SORCS1: variants seen among roughly 807,000 people sequenced by gnomAD.
SORCS1 encodes the protein sortilin related VPS10 domain containing receptor 1.
A neutral mutation model predicts 146.1 loss-of-function variants in SORCS1; 60 were observed. That is an observed-to-expected ratio of 0.41 (90% CI 0.33 to 0.51). The LOEUF (loss-of-function observed/expected upper bound fraction) is 0.51, where lower values mean the gene tolerates loss of function less well. Ranked by LOEUF, SORCS1 falls within the 20% of genes least tolerant of loss-of-function variation. The pLI is 0.21. For synonymous variants in SORCS1, 637 were observed against 584.0 expected (o/e 1.09, Z -1.31); for missense variants, 1,352 against 1,487.6 (o/e 0.91, Z 1.50).
chr10:107,069,014 T>A (rs1395089071), intron 1 of SORCS1, among the ~76,000 whole-genome samples: 1 of 152,214 alleles, frequency 6.6e-6, no homozygotes, highest in African/African-American at 2.4e-5. Context: ...CAATGGTGCC[T>A]AAACACATAC....
At chr10:107,125,305 G>T (rs914644952) in intron 1 of SORCS1, among the ~76,000 whole-genome samples, 1 of 152,102 alleles carries the variant, frequency 6.6e-6, no homozygotes, top group Non-Finnish European at 1.5e-5. Flanking sequence ...GAAAGGCCTA[G>T]AAGTTTCACA....
At chr10:106,985,721 G>A (rs565521159) in intron 1 of SORCS1, among the ~76,000 whole-genome samples, 11 of 152,008 alleles carry the variant, frequency 7.2e-5, no homozygotes, top group African/African-American at 2.2e-4. Flanking sequence ...ATTTTTAGTA[G>A]AGACGGGGTT....
chr10:106,744,806 A>C (rs1857602054), intron 5 of SORCS1, among the ~76,000 whole-genome samples: 1 of 152,076 alleles, frequency 6.6e-6, no homozygotes, highest in South Asian at 2.1e-4. Flanking sequence ...GAGTGTGTGC[A>C]TGTGTGTGTA....
chr10:107,059,515 T>G (rs1403089163), intron 1 of SORCS1, among the ~76,000 whole-genome samples: 1 of 152,176 alleles, frequency 6.6e-6, no homozygotes, highest in Non-Finnish European at 1.5e-5. Flanking sequence ...ACAGAAGAGA[T>G]GCACACAATC....
intron 1 of SORCS1, among the ~76,000 whole-genome samples, chr10:107,087,927 T>C (rs1225448739): frequency 2.0e-5 from 3 of 152,218 alleles, no homozygotes; most frequent in Admixed American, 2.0e-4. Context: ...TTTATTTATT[T>C]ATTTATTTTG....
At chr10:106,946,648 A>G (rs189167532) in intron 2 of SORCS1, among the ~76,000 whole-genome samples, 1 of 152,348 alleles carries the variant, frequency 6.6e-6, no homozygotes, top group East Asian at 1.9e-4. Flanking sequence ...AGTATCAGGT[A>G]TGTCTTTATT....
intron 1 of SORCS1, among the ~76,000 whole-genome samples, chr10:106,964,199 A>G (rs1955391550): frequency 6.6e-6 from 1 of 152,226 alleles, no homozygotes; most frequent in South Asian, 2.1e-4. Context: ...ATACAGAGAT[A>G]GGCTTTGGCA....
At chr10:106,803,658 T>C (rs1451858846) in intron 3 of SORCS1, among the ~76,000 whole-genome samples, 1 of 152,192 alleles carries the variant, frequency 6.6e-6, no homozygotes, top group Admixed American at 6.5e-5. Flanking sequence ...AGCTTATATA[T>C]TGTTTATTGA....
rs1008456359 is a variant in SORCS1, at chr10:106,916,987, C to T, written c.626+39526G>A. Among the ~76,000 whole-genome samples the T allele has an allele frequency of 3.3e-5, 5 of 152,214 alleles. No homozygotes were observed. The East Asian group carries it at 9.6e-4, about 29-fold the overall frequency. On this transcript the variant is annotated intron_variant, in intron 2 of 25. Transcript: ENST00000263054. Reference sequence around the variant, plus strand: ...CGAACTCCTGACCTCAGATAATCTGCCCGCCTCAGCCTCCCAAAGTGCTGG... The same window carrying T: ...CGAACTCCTGACCTCAGATAATCTGTCCGCCTCAGCCTCCCAAAGTGCTGG...
At position 107,047,507 on chromosome 10, in the gene SORCS1, G is replaced by C. The variant is rs557535015; in HGVS notation, c.559-90927C>G. Among the ~76,000 whole-genome samples, 4 of 152,182 alleles carry C rather than the reference G, an allele frequency of 2.6e-5. No homozygotes were observed. The East Asian group carries it at 7.7e-4, about 29-fold the overall frequency. On this transcript the variant is annotated intron_variant, in intron 1 of 25. Transcript: ENST00000263054. ...TTATTAGGCATGGTATCTATTTTACGTAAGGAAAATGGGTTATTCTGATTA... is the reference window on the plus strand; with the variant it reads ...TTATTAGGCATGGTATCTATTTTACCTAAGGAAAATGGGTTATTCTGATTA...
intron 1 of SORCS1, among the ~76,000 whole-genome samples, chr10:106,966,942 C>T (rs930925718): frequency 6.6e-6 from 1 of 152,008 alleles, no homozygotes; most frequent in African/African-American, 2.4e-5. Flanking sequence ...AAGGTTAAAC[C>T]AAACTATCAG....
chr10:106,742,625 C>T (rs1237573985), intron 5 of SORCS1, among the ~76,000 whole-genome samples: 1 of 152,184 alleles, frequency 6.6e-6, no homozygotes, highest in African/African-American at 2.4e-5. Flanking sequence ...AGTGATCCAC[C>T]TGCCTCGGCC....
intron 3 of SORCS1, 46 bp downstream of exon 3, chr10:106,829,528 G>C (rs771054335): frequency 8.5e-5 from 121 of 1,429,876 alleles, no homozygotes; most frequent in Non-Finnish European, 1.1e-4. Flanking sequence ...AACCAAGACA[G>C]AAGTCACATC....
intron 2 of SORCS1, among the ~76,000 whole-genome samples, chr10:106,859,656 G>A (rs1034964923): frequency 1.3e-5 from 2 of 152,200 alleles, no homozygotes; most frequent in Non-Finnish European, 2.9e-5. Context: ...GCCTCCCAAA[G>A]TGCTGGGATT....
intron 1 of SORCS1, among the ~76,000 whole-genome samples, chr10:107,078,223 T>C (rs908010622): frequency 6.6e-6 from 1 of 152,212 alleles, no homozygotes; most frequent in African/African-American, 2.4e-5. Flanking sequence ...TTAAATGTTC[T>C]AAGACCACGG....
At chr10:107,168,214 C>T (rs528799314), upstream of SORCS1, among the ~76,000 whole-genome samples, 1 of 152,250 alleles carries the variant, frequency 6.6e-6, no homozygotes, top group East Asian at 1.9e-4. Context: ...GAACGTCCAC[C>T]GTCCAACCCC....
chr10:107,114,750 G>A (rs1965911591), intron 1 of SORCS1, among the ~76,000 whole-genome samples: 1 of 151,976 alleles, frequency 6.6e-6, no homozygotes, highest in East Asian at 1.9e-4. Flanking sequence ...GGAAGTCCTA[G>A]CCAGAAACAT....
In SORCS1 at chr10:106,676,628, C is replaced by T. The variant is rs183233706; in HGVS notation, c.1832+685G>A. Among the ~76,000 whole-genome samples, 95 of 152,196 alleles carry T rather than the reference C, an allele frequency of 6.2e-4. 3 individuals carry two copies. The East Asian group carries it at 0.014, about 22-fold the overall frequency. ...AATTTCTCTCTCATGGAGTAAAACT[C>T]TCCCTCTCTCTCTCTCTGTCTGTGT... On this transcript the variant is annotated intron_variant, in intron 13 of 25. Transcript: ENST00000263054.
intron 1 of SORCS1, among the ~76,000 whole-genome samples, chr10:107,003,994 T>C (rs1005935775): frequency 6.6e-6 from 1 of 151,758 alleles, no homozygotes; most frequent in Non-Finnish European, 1.5e-5. Context: ...GCTAACACGG[T>C]GAAACCCCGT....
Sources: gnomAD v4.1 joint callset for allele counts (sites outside exome capture counted in the v4.1 genomes callset) on GRCh38, gnomAD v4.1.1 for gene constraint, MANE v1.5 for transcripts, NCBI Gene and HGNC (gene_info 2026-07-23, HGNC 2026-07-21) for gene names.